The following TMEM94 variants were observed in gnomAD, a reference collection of about 807,000 sequenced individuals.
TMEM94 encodes the protein transmembrane protein 94.
TMEM94 carries 81 observed loss-of-function variants against 158.6 expected under a neutral mutation model. That is an observed-to-expected ratio of 0.51 (90% CI 0.43 to 0.61). The LOEUF is 0.61. TMEM94 is among the 20% of genes least tolerant of loss of function. TMEM94 has a pLI of 0.00. For missense variants in TMEM94, 1,435 were observed against 1,762.0 expected, an observed-to-expected ratio of 0.81 and a Z score of 3.32; for synonymous variants, 751 against 730.7, an observed-to-expected ratio of 1.03 and a Z score of -0.45.
At chr17:75,478,702 A>G (rs1476660489) in intron 2 of TMEM94, among the ~76,000 whole-genome samples, 1 of 152,230 alleles carries the variant, frequency 6.6e-6, no homozygotes, top group Non-Finnish European at 1.5e-5. Context: ...GGACTTCCTT[A>G]GAGCCGTGTT....
In TMEM94 at chr17:75,489,426, G is replaced by A. The variant is rs1021223027; in HGVS notation, c.867+58G>A. The A allele has an allele frequency of 3.9e-6, 6 of 1,543,310 alleles. No individual in the cohort carries two copies. In the African/African-American group the frequency reaches 4.1e-5, roughly 11 times the overall value. On this transcript the variant is annotated intron_variant, in intron 8 of 31. Coordinates refer to ENST00000314256, the MANE Select transcript of TMEM94 (RefSeq NM_014738.6). The surrounding 1 kb of genome is among the most constrained non-coding windows in gnomAD (Gnocchi z 5.0). ...GGGCAGAGGAGAGGGCTGGACACGG[G>A]GGGGTCTCAGGGCCACTCACATGAG...
In TMEM94 at chr17:75,492,505, A is replaced by T. The variant is rs1598415645; in HGVS notation, c.1628A>T (p.Glu543Val). The T allele has an allele frequency of 1.2e-6, 2 of 1,607,420 alleles. No individual in the cohort carries two copies. Among genetic ancestry groups the T allele is most frequent in the East Asian group, 4.5e-5 (2 of 44,752 alleles). ...CCTGGGATGGAGAGCGACCCCTACG[A>T]AGCAGAGGACTTTGTGTGTGACTAC... ...TQPGMESDPY[E>V]AEDFVCDYHL... The change falls in exon 15 of 32, where the codon GAA (glutamate) becomes GTA (valine). Residue 543 changes from glutamate to valine, a missense_variant. Glu to Val is a moderately radical substitution (Grantham distance 121). Around this residue, in one of 3 missense-constraint regions of TMEM94, gnomAD observed 1,051 missense variants for 1,254.4 expected, o/e 0.84. Transcript: ENST00000314256. The surrounding 1 kb of genome is among the most constrained non-coding windows in gnomAD (Gnocchi z 4.4).
intron 2 of TMEM94, among the ~76,000 whole-genome samples, chr17:75,475,398 C>T (rs1272284101): frequency 6.6e-6 from 1 of 152,200 alleles, no homozygotes; most frequent in Admixed American, 6.5e-5. Context: ...ACGGAGGGCC[C>T]TGGAGAAACA....
At chr17:75,467,821 C>T (rs547712858) in intron 1 of TMEM94, among the ~76,000 whole-genome samples, 9 of 152,272 alleles carry the variant, frequency 5.9e-5, no homozygotes, top group African/African-American at 1.2e-4. Context: ...CGTGAGCCAC[C>T]GCGCCCGGCC....
intron 1 of TMEM94, chr17:75,459,730 T>C (rs1184777343): frequency 6.6e-6 from 1 of 152,202 alleles, no homozygotes; most frequent in African/African-American, 2.4e-5. Flanking sequence ...AGTCCATTCC[T>C]GGTGTTCAAG....
At position 75,496,037 on chromosome 17, in the gene TMEM94, C is replaced by T. The variant is rs2052646802; in HGVS notation, c.3016C>T (p.Leu1006=). The change falls in exon 23 of 32, where the codon CTG becomes TTG. Residue 1006 remains leucine, a synonymous_variant. Transcript: ENST00000314256. The stretch of plus-strand genomic sequence containing the variant: ...CTGCTGCCTGGGCAGCTCTGCCAAC[C>T]TGCGGAACAGCTGCCTCTTCCTCCA... ...VTCCLGSSAN[L]RNSCLFLQSD... The T allele has an allele frequency of 6.2e-7, 1 of 1,613,264 alleles. No individual in the cohort carries two copies. The highest frequency in any genetic ancestry group is 1.1e-5 in the South Asian group (1 of 91,046).
intron 1 of TMEM94, among the ~76,000 whole-genome samples, chr17:75,470,573 C>CG (rs2050459014): frequency 1.3e-5 from 2 of 151,970 alleles, no homozygotes; most frequent in Admixed American, 1.3e-4. Context: ...GGCGTGGTGG[C>CG]GGGCGCCTGT....
Position 75,498,628 on chromosome 17 carries a change from GTCT to G in TMEM94, c.3736_3738del (p.Phe1246del), listed in dbSNP as rs1446873379. On this transcript the variant is annotated inframe_deletion and splice_region_variant, in exon 30 of 32. Coordinates refer to ENST00000314256, the MANE Select transcript of TMEM94 (RefSeq NM_014738.6). This position sits in a 1 kb window ranked among gnomAD's most constrained non-coding sequence, Gnocchi z 6.7. ...CCCCCACATCGCCCCACCTTCCCCAGTCTTCATTTCCATCACCCATGTGCATCG... is the reference window on the plus strand; with the variant it reads ...CCCCCACATCGCCCCACCTTCCCCAGTCATTTCCATCACCCATGTGCATCG... The G allele has an allele frequency of 4.3e-6, 7 of 1,611,508 alleles. No individual in the cohort carries two copies. The highest frequency in any genetic ancestry group is 5.9e-6 in the Non-Finnish European group (7 of 1,178,754).
Position 75,495,676 on chromosome 17 carries a change from C to T in TMEM94, c.2944+33C>T. The T allele has an allele frequency of 6.3e-7, 1 of 1,596,582 alleles. No individual in the cohort carries two copies. Among genetic ancestry groups the T allele is most frequent in the Non-Finnish European group, 8.6e-7 (1 of 1,165,586 alleles). ...CTGTGGCCATGGGTACTTGGGCAAC[C>T]TGGTCCCGTCGGCTGAGCTCTGCCT... On this transcript the variant is annotated intron_variant, in intron 22 of 31. Transcript: ENST00000314256. This position sits in a 1 kb window ranked among gnomAD's most constrained non-coding sequence, Gnocchi z 5.6.
chr17:75,491,521 C>T lies in TMEM94; in HGVS notation c.1386+66C>T. The T allele has an allele frequency of 9.3e-6, 15 of 1,609,560 alleles. No individual in the cohort carries two copies. Among genetic ancestry groups the T allele is most frequent in the Non-Finnish European group, 1.2e-5 (14 of 1,176,832 alleles). ...TGGGCCAGGCTGTTTAGCCTTGGAGCCTGGCCAGGGAGGGTGAGGTTTCGG... is the reference window on the plus strand; with the variant it reads ...TGGGCCAGGCTGTTTAGCCTTGGAGTCTGGCCAGGGAGGGTGAGGTTTCGG... On this transcript the variant is annotated intron_variant, in intron 13 of 31. Transcript: ENST00000314256. This position sits in a 1 kb window ranked among gnomAD's most constrained non-coding sequence, Gnocchi z 5.1.
At position 75,491,202 on chromosome 17, in the gene TMEM94, T is replaced by C. The variant is rs2052147649; in HGVS notation, c.1233+49T>C. 5 of 1,591,786 alleles carry C rather than the reference T, an allele frequency of 3.1e-6. No homozygotes were observed. The highest frequency in any genetic ancestry group is 4.3e-6 in the Non-Finnish European group (5 of 1,164,746). On this transcript the variant is annotated intron_variant, in intron 12 of 31. Coordinates refer to ENST00000314256, the MANE Select transcript of TMEM94 (RefSeq NM_014738.6). This position sits in a 1 kb window ranked among gnomAD's most constrained non-coding sequence, Gnocchi z 5.1. ...GAGGCAACTGTCATGCCCGCCCTGC[T>C]CTCTGGCTGGGCCTGGGCTGCCCAC...
chr17:75,464,198 G>A (rs2050204973), intron 1 of TMEM94, among the ~76,000 whole-genome samples: 1 of 152,080 alleles, frequency 6.6e-6, no homozygotes, highest in Non-Finnish European at 1.5e-5. Flanking sequence ...TACTTGGCAT[G>A]GCAAACCAAG....
chr17:75,477,924 G>A (rs976689123), intron 2 of TMEM94, among the ~76,000 whole-genome samples: 18 of 147,614 alleles, frequency 1.2e-4, no homozygotes, highest in Admixed American at 2.7e-4. Flanking sequence ...CGGGAGAATC[G>A]CTTGAACCCG....
chr17:75,489,810 G>A lies in TMEM94; in HGVS notation c.954+148G>A, dbSNP rs1567952672. 4.6e-5 allele frequency: 33 copies of A among 713,370 alleles called. No homozygotes were observed. The South Asian group carries it at 5.2e-4, about 11-fold the overall frequency. 44.2% of individuals were successfully genotyped at this position (713,370 alleles called of 1,614,324 possible). On this transcript the variant is annotated intron_variant, in intron 9 of 31. Transcript: ENST00000314256. This position sits in a 1 kb window ranked among gnomAD's most constrained non-coding sequence, Gnocchi z 5.0. Reference sequence around the variant, plus strand: ...GAACACCTCTTTCCAGCTGGGCGTGGGGACTCAGGCCTGTAATCCAAGCAC... The same window carrying A: ...GAACACCTCTTTCCAGCTGGGCGTGAGGACTCAGGCCTGTAATCCAAGCAC...
intron 2 of TMEM94, among the ~76,000 whole-genome samples, chr17:75,480,599 G>A (rs548011676): frequency 2.0e-5 from 3 of 152,352 alleles, no homozygotes; most frequent in Admixed American, 6.5e-5. Context: ...TGTGGCCCAC[G>A]AGAATCAATG....
chr17:75,496,850 C>A (rs935231457), intron 25 of TMEM94, 43 bp downstream of exon 25: 17 of 1,580,910 alleles, frequency 1.1e-5, no homozygotes, highest in Non-Finnish European at 1.5e-5. Context: ...TGCCACTCAC[C>A]CCTTCACTCA....
rs2052515928 is a variant in TMEM94 at position 75,494,645 on chromosome 17, T to C, written c.2426T>C (p.Leu809Pro). The change falls in exon 19 of 32, where the codon CTG becomes CCG. Residue 809 changes from leucine (L) to proline (P), a missense_variant. Physicochemically the swap from Leu to Pro is moderately conservative, Grantham distance 98 (BLOSUM62 -3). Coordinates refer to ENST00000314256, the MANE Select transcript of TMEM94 (RefSeq NM_014738.6). ...CCTGAAGAAGGGATCGGGGAGGTGC[T>C]GGAGAAGGAAGACTGCATGCAGGCC... is the stretch of plus-strand genomic sequence containing the variant. ...WSSDEGIGEV[L>P]EKEDCMQALS... The C allele has an allele frequency of 6.2e-7, 1 of 1,613,540 alleles. No homozygotes were observed. Among genetic ancestry groups the C allele is most frequent in the Non-Finnish European group, 8.5e-7 (1 of 1,180,028 alleles).
In TMEM94 at chr17:75,499,993, G is replaced by A. The variant is rs531180642; in HGVS notation, c.*659G>A. On this transcript the variant is annotated 3_prime_UTR_variant, in exon 32 of 32. Coordinates refer to ENST00000314256, the MANE Select transcript of TMEM94 (RefSeq NM_014738.6). ...TCCTCAGCCTCTGCCCCAGTTCTGG[G>A]AGAAGTTTCTACTGGTGTATATTTT... 2 of 153,418 alleles carry A rather than the reference G, an allele frequency of 1.3e-5. No individual in the cohort carries two copies. Among genetic ancestry groups the A allele is most frequent in the African/African-American group, 4.8e-5 (2 of 41,590 alleles). 9.5% of individuals were successfully genotyped at this position (153,418 alleles called of 1,614,324 possible). A position where few individuals can be genotyped will look rare whatever the true frequency, so the allele number is the denominator to read the frequency against.
chr17:75,462,303 A>G (rs1334857153), intron 1 of TMEM94, among the ~76,000 whole-genome samples: 1 of 151,860 alleles, frequency 6.6e-6, no homozygotes, highest in Non-Finnish European at 1.5e-5. Flanking sequence ...GACCTCCCAA[A>G]GTGCTGGGAT....
Sources: allele counts gnomAD v4.1 joint callset (sites outside exome capture counted in the v4.1 genomes callset), GRCh38; gene constraint gnomAD v4.1.1; regional missense constraint gnomAD v4.1.1; non-coding constraint Gnocchi (gnomAD v3.1); transcripts MANE v1.5; gene names NCBI Gene and HGNC (gene_info 2026-07-23, HGNC 2026-07-21).